The following MIIP variants were observed in gnomAD, a reference collection of about 807,000 sequenced individuals.
MIIP encodes the protein migration and invasion inhibitory protein.
Under a neutral mutation model 44.8 loss-of-function variants are expected in MIIP, and 44 were observed. The ratio of observed to expected loss-of-function variants is 0.98; its 90% CI spans 0.77 to 1.26. MIIP has a LOEUF of 1.26. MIIP is among the 50% of genes most tolerant of loss of function. The pLI, the probability that MIIP is intolerant of heterozygous loss-of-function variation, is 0.00. For synonymous variants in MIIP, 225 were observed against 218.3 expected, an observed-to-expected ratio of 1.03 and a Z score of -0.27; for missense variants, 496 against 511.7, an observed-to-expected ratio of 0.97 and a Z score of 0.30.
In MIIP at chr1:12,021,694, G is replaced by C. The variant is rs1217599084; in HGVS notation, c.-33G>C. ...AGCCCTGAGGACATCCTGCGGCCCA[G>C]GGGCAAGTGACACCTGCTGAGAGAG... is the stretch of plus-strand genomic sequence containing the variant. On this transcript the variant is annotated 5_prime_UTR_variant, in exon 2 of 10. Transcript: ENST00000235332. 1.9e-6 allele frequency: 3 copies of C among 1,594,468 alleles called. No individual in the cohort carries two copies. Among genetic ancestry groups the C allele is most frequent in the Non-Finnish European group, 2.6e-6 (3 of 1,165,914 alleles).
At chr1:12,028,155 C>T (rs565689091) in intron 4 of MIIP, among the ~76,000 whole-genome samples, 8 of 152,212 alleles carry the variant, frequency 5.3e-5, no homozygotes, top group Admixed American at 3.3e-4. Context: ...TGCAGTGAGC[C>T]GAGGTCGCTC....
At chr1:12,028,976 C>T in intron 4 of MIIP, 57 bp from the exon 5 acceptor site, 1 of 1,430,710 alleles carries the variant, frequency 7.0e-7, no homozygotes, top group Non-Finnish European at 9.8e-7. Flanking sequence ...GGCCGGTGGC[C>T]ACACAGCAGC....
chr1:12,029,173 C>A, intron 5 of MIIP, 32 bp downstream of exon 5: 1 of 1,612,218 alleles, frequency 6.2e-7, no homozygotes, highest in Non-Finnish European at 8.5e-7. Flanking sequence ...TGGGCGAGGG[C>A]GGCTGAGCGG....
intron 4 of MIIP, among the ~76,000 whole-genome samples, chr1:12,028,084 G>C (rs550808178): frequency 4.6e-5 from 7 of 152,340 alleles, no homozygotes; most frequent in African/African-American, 1.7e-4. Flanking sequence ...GCGCACGCCT[G>C]TAATTCCAGC....
At chr1:12,022,038 G>T (rs1299833766) in intron 2 of MIIP, 57 bp from the exon 3 acceptor site, 20 of 1,562,010 alleles carry the variant, frequency 1.3e-5, no homozygotes, top group Non-Finnish European at 1.7e-5. Context: ...GCCTGGCGTA[G>T]GCCCGGTGGG....
intron 1 of MIIP, among the ~76,000 whole-genome samples, chr1:12,021,393 CAA>C (rs778338153): frequency 1.7e-5 from 2 of 117,656 alleles, no homozygotes; most frequent in Non-Finnish European, 1.8e-5. Flanking sequence ...GACTCCATCT[CAA>C]AAAAAAAAAA....
At chr1:12,029,188 A>C (rs776007704) in intron 5 of MIIP, 35 bp from the exon 6 acceptor site, 1 of 1,613,272 alleles carries the variant, frequency 6.2e-7, no homozygotes, top group Non-Finnish European at 8.5e-7. Context: ...GAGCGGCTCC[A>C]TCCCCCGGCC....
At position 12,029,812 on chromosome 1, in the gene MIIP, G is replaced by A. The variant is rs780949591; in HGVS notation, c.763G>A (p.Asp255Asn). The stretch of plus-strand genomic sequence containing the variant: ...CCGGCGCCTGTTCCCGGTGCCTGTG[G>A]ATCCCGGTACCCCCTGCCGCCTGTG... ...VNRRLFPVPV[D>N]PGTPCRLCRT... The change falls in exon 7 of 10, where the codon GAT (aspartate) becomes AAT (asparagine). Residue 255 changes from aspartate to asparagine, a missense_variant. Transcript: ENST00000235332. The A allele has an allele frequency of 6.2e-7, 1 of 1,613,366 alleles. No homozygotes were observed. Among genetic ancestry groups the A allele is most frequent in the East Asian group, 2.2e-5 (1 of 44,864 alleles).
At chr1:12,025,153 G>A (rs1036818420) in intron 4 of MIIP, among the ~76,000 whole-genome samples, 7 of 149,378 alleles carry the variant, frequency 4.7e-5, no homozygotes, top group African/African-American at 1.5e-4. Context: ...TTCACCTCCC[G>A]GGTTCGAGTG....
intron 6 of MIIP, 122 bp downstream of exon 6, chr1:12,029,403 C>A: frequency 3.6e-6 from 4 of 1,122,186 alleles, no homozygotes; most frequent in Non-Finnish European, 5.1e-6. Context: ...GATGTTGAGA[C>A]TCATGGAGGG....
intron 6 of MIIP, chr1:12,029,529 C>T: frequency 1.4e-6 from 1 of 689,842 alleles, no homozygotes; most frequent in Non-Finnish European, 2.4e-6. Context: ...CCAGCAGTGC[C>T]CCTGTGCTGG....
At chr1:12,031,507 G>A (rs1011839230) in intron 9 of MIIP, 104 bp downstream of exon 9, 1 of 1,560,446 alleles carries the variant, frequency 6.4e-7, no homozygotes, top group African/African-American at 1.4e-5. Context: ...GGATTGAGGT[G>A]GGGAGGATGG....
rs375086144 is a variant in MIIP at position 12,022,302 on chromosome 1, C to T, written c.322C>T (p.Arg108Ter). The T allele has an allele frequency of 8.9e-5, 143 of 1,613,776 alleles. No individual in the cohort carries two copies. Among genetic ancestry groups the T allele is most frequent in the Middle Eastern group, 1.6e-4 (1 of 6,084 alleles). ...ATGCCAGCACCAGGAGTCCCTGGGCCGACCGAGACCCCACTCAGCACCCTC... is the reference window on the plus strand; with the variant it reads ...ATGCCAGCACCAGGAGTCCCTGGGCTGACCGAGACCCCACTCAGCACCCTC... ...AKCQHQESLGRPRPHSAPSLG... is the reference protein window; with the variant it reads ...AKCQHQESLG Residue 108 changes from arginine (R) to a stop codon, truncating the protein, a stop_gained, in exon 3 of 10, where the codon CGA becomes TGA. Coordinates refer to ENST00000235332, the MANE Select transcript of MIIP (RefSeq NM_021933.4). LOFTEE classifies it high-confidence loss of function.
rs891466655 is a variant in MIIP at position 12,022,139 on chromosome 1, G to A, written c.159G>A (p.Ser53=). ...GCAGCTACAACTCAGAGACTCCATC[G>A]ACCCCAGAGACGTCCTCAACTTCCT... ...SSSSYNSETP[S]TPETSSTSLS... is the part of the protein sequence containing the mutation. The change falls in exon 3 of 10, where the codon TCG becomes TCA. Residue 53 remains serine (S), a synonymous_variant. Coordinates refer to ENST00000235332, the MANE Select transcript of MIIP (RefSeq NM_021933.4). 5.0e-6 allele frequency: 8 copies of A among 1,613,818 alleles called. No individual in the cohort carries two copies. Among genetic ancestry groups the A allele is most frequent in the Middle Eastern group, 1.6e-4 (1 of 6,080 alleles).
chr1:12,023,045 G>T, intron 4 of MIIP, 128 bp downstream of exon 4: 1 of 633,762 alleles, frequency 1.6e-6, no homozygotes, highest in Non-Finnish European at 2.7e-6. Flanking sequence ...GCCATCCTCC[G>T]TGGGGAGCAC....
chr1:12,022,008 A>T lies in MIIP; in HGVS notation c.115-87A>T, dbSNP rs149842036. 802 of 1,447,090 alleles carry T rather than the reference A, an allele frequency of 5.5e-4. 3 individuals are homozygous for T. In the African/African-American group the frequency reaches 0.01, roughly 19 times the overall value. 89.6% of individuals were successfully genotyped at this position (1,447,090 alleles called of 1,614,324 possible). On this transcript the variant is annotated intron_variant, in intron 2 of 9. Transcript: ENST00000235332. ...TGGTCACTGCTGAGGCCGGAGCAGGATGAGGATGCTTGCCTTGGTGCCTGG... is the reference window on the plus strand; with the variant it reads ...TGGTCACTGCTGAGGCCGGAGCAGGTTGAGGATGCTTGCCTTGGTGCCTGG...
At position 12,029,154 on chromosome 1, in the gene MIIP, G is replaced by A. The variant is rs200528095; in HGVS notation, c.656+13G>A. 3,044 of 1,613,142 alleles carry A rather than the reference G, an allele frequency of 1.9e-3. 83 individuals carry two copies. In the South Asian group the frequency reaches 0.03, roughly 16 times the overall value. On this transcript the variant is annotated intron_variant, in intron 5 of 9. Coordinates refer to ENST00000235332, the MANE Select transcript of MIIP (RefSeq NM_021933.4). ...GCAGCCATCCTGAGTGAGCAGGGGC[G>A]GGCGAGGGTGGGCGAGGGCGGCTGA...
rs749617634 is a variant in MIIP, at chr1:12,022,188, C to T, written c.208C>T (p.Arg70Trp). ...TSLSTSCPRGRSSVWGPPDAC... is the reference protein window; with the variant it reads ...TSLSTSCPRGWSSVWGPPDAC... Reference sequence around the variant, plus strand: ...CTTGAGCACCTCCTGCCCACGGGGCCGGTCCTCCGTGTGGGGCCCACCAGA... The same window carrying T: ...CTTGAGCACCTCCTGCCCACGGGGCTGGTCCTCCGTGTGGGGCCCACCAGA... Residue 70 changes from arginine to tryptophan, a missense_variant, in exon 3 of 10, where the codon CGG becomes TGG. Arg to Trp is a moderately radical substitution (Grantham distance 101). Coordinates refer to ENST00000235332, the MANE Select transcript of MIIP (RefSeq NM_021933.4). The T allele has an allele frequency of 1.6e-5, 26 of 1,613,508 alleles. No individual in the cohort carries two copies. Among genetic ancestry groups the T allele is most frequent in the Admixed American group, 3.3e-5 (2 of 59,942 alleles).
chr1:12,023,102 C>G (rs1021124251), intron 4 of MIIP, among the ~76,000 whole-genome samples, 185 bp downstream of exon 4: 8 of 142,504 alleles, frequency 5.6e-5, no homozygotes, highest in African/African-American at 2.1e-4. Flanking sequence ...CTCACTCTGT[C>G]CCCCAGGCTG....
Sources: gnomAD v4.1 joint callset for allele counts (sites outside exome capture counted in the v4.1 genomes callset) on GRCh38, gnomAD v4.1.1 for gene constraint, MANE v1.5 for transcripts, NCBI Gene and HGNC (gene_info 2026-07-23, HGNC 2026-07-21) for gene names.